Variants in BLVRB observed in about 807,000 individuals in gnomAD.
BLVRB encodes biliverdin reductase B.
In BLVRB, 25 loss-of-function variants were observed where a neutral mutation model predicts 21.1. The ratio of observed to expected loss-of-function variants is 1.19; its 90% CI spans 0.86 to 1.66. BLVRB has a LOEUF of 1.66. Among genes scored for constraint, BLVRB ranks in the 40% most tolerant of loss-of-function variants. The pLI, the probability that BLVRB is intolerant of heterozygous loss-of-function variation, is 0.00. For synonymous variants in BLVRB, 128 were observed against 122.2 expected, an observed-to-expected ratio of 1.05 and a Z score of -0.31; for missense variants, 274 against 282.7, an observed-to-expected ratio of 0.97 and a Z score of 0.22.
In BLVRB at chr19:40,462,705, CA is replaced by C. The variant is rs369863212; in HGVS notation, c.79+2904del. Among the ~76,000 whole-genome samples, 432 of 149,174 alleles carry C rather than the reference CA, an allele frequency of 2.9e-3. 1 individual carries two copies. The highest frequency in any genetic ancestry group is 0.01 in the African/African-American group (421 of 41,006). On this transcript the variant is annotated intron_variant, in intron 1 of 4. Coordinates refer to ENST00000263368, the MANE Select transcript of BLVRB (RefSeq NM_000713.3). Reference sequence around the variant, plus strand: ...AGGAGATGGAGACCATCCTGGTTAACATGGTGAAACCCCATCTTTACTAAAA... The same window carrying C: ...AGGAGATGGAGACCATCCTGGTTAACTGGTGAAACCCCATCTTTACTAAAA...
At chr19:40,462,452 G>A (rs2079791881) in intron 1 of BLVRB, among the ~76,000 whole-genome samples, 1 of 151,162 alleles carries the variant, frequency 6.6e-6, no homozygotes, top group Admixed American at 6.6e-5. Context: ...CGAATTTTTT[G>A]TATTTTTAGT....
intron 1 of BLVRB, among the ~76,000 whole-genome samples, chr19:40,462,797 G>T (rs1029969399): frequency 6.8e-6 from 1 of 146,814 alleles, no homozygotes; most frequent in Non-Finnish European, 1.5e-5. Flanking sequence ...GGAGGCTGAA[G>T]CAGGAGAATG....
chr19:40,459,488 C>A (rs937940482), intron 1 of BLVRB, among the ~76,000 whole-genome samples: 1 of 151,772 alleles, frequency 6.6e-6, no homozygotes, highest in African/African-American at 2.4e-5. Flanking sequence ...CACTCTGTAA[C>A]CCAGGCTAGA....
At chr19:40,461,759 CAA>C (rs1568740885) in intron 1 of BLVRB, among the ~76,000 whole-genome samples, 1 of 152,210 alleles carries the variant, frequency 6.6e-6, no homozygotes, top group Non-Finnish European at 1.5e-5. Flanking sequence ...CTCAGCCCCC[CAA>C]AGTGTTGGGA....
intron 1 of BLVRB, among the ~76,000 whole-genome samples, chr19:40,464,454 C>T (rs755089652): frequency 1.1e-4 from 16 of 152,040 alleles, no homozygotes; most frequent in Non-Finnish European, 1.9e-4. Flanking sequence ...TTTTTCAGAG[C>T]CACAGCTCTG....
chr19:40,453,532 C>T (rs945220702), intron 3 of BLVRB, among the ~76,000 whole-genome samples: 2 of 152,208 alleles, frequency 1.3e-5, no homozygotes, highest in Non-Finnish European at 2.9e-5. Context: ...GGCCAAGCTA[C>T]ACCAGCTGAC....
chr19:40,449,022 G>A (rs1399431479), intron 4 of BLVRB, among the ~76,000 whole-genome samples: 2 of 151,794 alleles, frequency 1.3e-5, no homozygotes, highest in South Asian at 2.1e-4. Flanking sequence ...AGGTTGCAGT[G>A]AGCCAAGATT....
intron 3 of BLVRB, chr19:40,457,891 CGA>C: frequency 2.1e-6 from 1 of 480,890 alleles, no homozygotes; most frequent in Admixed American, 3.3e-5. Flanking sequence ...GCCTGCCTCC[CGA>C]TCCCAGCTCC....
chr19:40,460,054 C>T (rs970414681), intron 1 of BLVRB, among the ~76,000 whole-genome samples: 2 of 152,092 alleles, frequency 1.3e-5, no homozygotes, highest in African/African-American at 4.8e-5. Flanking sequence ...AAGCCCAGCC[C>T]TCCTTTAGTG....
chr19:40,465,514 C>T, intron 1 of BLVRB, 96 bp downstream of exon 1: 1 of 1,463,272 alleles, frequency 6.8e-7, no homozygotes, highest in East Asian at 2.5e-5. Flanking sequence ...CTGGGGCGCT[C>T]ATGGCCCCAA....
chr19:40,450,842 G>GTATCTATCTATCTATC lies in BLVRB; in HGVS notation c.463+506_463+521dup, dbSNP rs200198444. 1.7e-4 allele frequency among the ~76,000 whole-genome samples: 24 copies of GTATCTATCTATCTATC among 144,736 alleles called. 1 individual carries two copies. Among genetic ancestry groups the GTATCTATCTATCTATC allele is most frequent in the South Asian group, 2.3e-4 (1 of 4,418 alleles). 95.0% of individuals were successfully genotyped at this position (144,736 alleles called of 152,430 possible). A position where few individuals can be genotyped will look rare whatever the true frequency, so the allele number is the denominator to read the frequency against. On this transcript the variant is annotated intron_variant, in intron 4 of 4. Transcript: ENST00000263368. ...GTGTGAACCACCATGCCTGGCCTAT[G>GTATCTATCTATCTATC]TATCTATCTATCTATCTATCTATCT...
At chr19:40,450,058 C>T (rs1420327202) in intron 4 of BLVRB, among the ~76,000 whole-genome samples, 3 of 150,710 alleles carry the variant, frequency 2.0e-5, no homozygotes, top group Non-Finnish European at 4.4e-5. Context: ...ATTAGCTGGG[C>T]GTGGTGGCAC....
In BLVRB at chr19:40,451,370, G is replaced by A; in HGVS notation, c.457C>T (p.His153Tyr). 1 of 1,603,274 alleles carries A rather than the reference G, an allele frequency of 6.2e-7. No individual in the cohort carries two copies. Among genetic ancestry groups the A allele is most frequent in the Non-Finnish European group, 8.5e-7 (1 of 1,175,290 alleles). Residue 153 changes from histidine (H) to tyrosine (Y), a missense_variant, in exon 4 of 5, where the codon CAC (histidine) becomes TAC (tyrosine). Coordinates refer to ENST00000263368, the MANE Select transcript of BLVRB (RefSeq NM_000713.3). ...GLKYVAVMPP[H>Y]IGDQPLTGAY... ...AGGTCCCTGCCCTGCTTACCTATGT[G>A]TGGCGGCATCACAGCCACGTACTTC...
chr19:40,459,596 A>G (rs983094720), intron 1 of BLVRB, among the ~76,000 whole-genome samples: 5 of 151,462 alleles, frequency 3.3e-5, no homozygotes, highest in African/African-American at 1.2e-4. Flanking sequence ...TTTGAGATAG[A>G]GTCTCCCTCT....
chr19:40,452,901 AAACAC>A (rs2079746611), intron 3 of BLVRB, among the ~76,000 whole-genome samples: 1 of 146,216 alleles, frequency 6.8e-6, no homozygotes, highest in African/African-American at 2.7e-5. Context: ...AAAACAAAAA[AAACAC>A]AAAAATTAGC....
In BLVRB at chr19:40,458,488, C is replaced by T. The variant is rs11547746; in HGVS notation, c.137G>A (p.Arg46Gln). The change falls in exon 2 of 5, where the codon CGG becomes CAG. Residue 46 changes from arginine (R) to glutamine (Q), a missense_variant. By Grantham distance (43) the Arg-to-Gln change is conservative. Transcript: ENST00000263368. ...ATCTCCCACTACCACGTGGGCCGGCCGGGGCCCCTCTGATGGCAGCCTGGA... is the reference window on the plus strand; with the variant it reads ...ATCTCCCACTACCACGTGGGCCGGCTGGGGCCCCTCTGATGGCAGCCTGGA... ...DSSRLPSEGP[R>Q]PAHVVVGDVL... 11,047 of 1,610,566 alleles carry T rather than the reference C, an allele frequency of 6.9e-3. 37 individuals carry two copies. Among genetic ancestry groups the T allele is most frequent in the Non-Finnish European group, 8.5e-3 (10,079 of 1,178,860 alleles).
chr19:40,457,892 G>C (rs57796734), intron 3 of BLVRB: 235,224 of 478,480 alleles, frequency 0.49, 62,526 homozygotes, highest in African/African-American at 0.81. Flanking sequence ...CCTGCCTCCC[G>C]ATCCCAGCTC....
chr19:40,465,004 C>T (rs1456242529), intron 1 of BLVRB, among the ~76,000 whole-genome samples: 2 of 152,104 alleles, frequency 1.3e-5, no homozygotes, highest in East Asian at 3.9e-4. Context: ...ACTGCTGTCC[C>T]CAAGTCTTCA....
At chr19:40,455,910 G>A (rs919054766) in intron 3 of BLVRB, among the ~76,000 whole-genome samples, 1 of 151,868 alleles carries the variant, frequency 6.6e-6, no homozygotes, top group Non-Finnish European at 1.5e-5. Context: ...CCGGGAGTTC[G>A]GGACCAGCCT....
Sources: gnomAD v4.1 joint callset for allele counts (sites outside exome capture counted in the v4.1 genomes callset) on GRCh38, gnomAD v4.1.1 for gene constraint, MANE v1.5 for transcripts, NCBI Gene and HGNC (gene_info 2026-07-23, HGNC 2026-07-21) for gene names.